The following FKBP10 variants were observed in gnomAD, a reference collection of about 807,000 sequenced individuals.
FKBP10 encodes the protein peptidyl-prolyl cis-trans isomerase FKBP10.
In FKBP10, 34 loss-of-function variants were observed where a neutral mutation model predicts 53.7. That is an observed-to-expected ratio of 0.63 (90% CI 0.48 to 0.84). The LOEUF (loss-of-function observed/expected upper bound fraction) is 0.84. Among genes scored for constraint, FKBP10 ranks in the 40% least tolerant of loss-of-function variants. The probability of loss-of-function intolerance (pLI) is 0.00; values close to 1 mark genes in which losing one functional copy is unlikely to be tolerated. For synonymous variants in FKBP10, 324 were observed against 335.7 expected (o/e 0.97, Z 0.38); for missense variants, 748 against 797.8 (o/e 0.94, Z 0.75).
chr17:41,820,968 G>A lies in FKBP10; in HGVS notation c.1278G>A (p.Gln426=), dbSNP rs1313622575. Residue 426 remains glutamine, a synonymous_variant, in exon 8 of 10, where the codon CAG becomes CAA. Coordinates refer to ENST00000321562, the MANE Select transcript of FKBP10 (RefSeq NM_021939.4). ...CCAGGCATGACTACGGGGCCCCCCA[G>A]GAGGCGACTCTCGGGGCCAACAAGG... ...LFTSHDYGAP[Q]EATLGANKVI... 3.4e-5 allele frequency: 55 copies of A among 1,612,208 alleles called. No homozygotes were observed. Among genetic ancestry groups the A allele is most frequent in the Non-Finnish European group, 4.6e-5 (54 of 1,179,566 alleles).
rs2047884667 is a variant in FKBP10, at chr17:41,821,030, G to A, written c.1340G>A (p.Cys447Tyr). ...EGLDTGLQGMCVGERRQLIVP... is the reference protein window; with the variant it reads ...EGLDTGLQGMYVGERRQLIVP... ...CTGGACACGGGCCTGCAGGGCATGT[G>A]TGTGGGAGAGAGGCGGCAGCTCATC... The change falls in exon 8 of 10, where the codon TGT becomes TAT. Residue 447 changes from cysteine to tyrosine, a missense_variant. Transcript: ENST00000321562. The A allele has an allele frequency of 1.2e-6, 2 of 1,600,196 alleles. No individual in the cohort carries two copies. Among genetic ancestry groups the A allele is most frequent in the Non-Finnish European group, 1.7e-6 (2 of 1,173,504 alleles).
Position 41,822,507 on chromosome 17 carries a change from G to T in FKBP10, c.*99G>T. Reference sequence around the variant, plus strand: ...GCTGACAGTCACCCTCCCTCTGCTGGGATGAGGTCCAGGAGCCAACTAAAA... The same window carrying T: ...GCTGACAGTCACCCTCCCTCTGCTGTGATGAGGTCCAGGAGCCAACTAAAA... On this transcript the variant is annotated 3_prime_UTR_variant, in exon 10 of 10. Coordinates refer to ENST00000321562, the MANE Select transcript of FKBP10 (RefSeq NM_021939.4). The T allele has an allele frequency of 1.4e-6, 2 of 1,383,140 alleles. No individual in the cohort carries two copies. Among genetic ancestry groups the T allele is most frequent in the Non-Finnish European group, 2.0e-6 (2 of 1,002,480 alleles). 85.7% of individuals were successfully genotyped at this position (1,383,140 alleles called of 1,614,324 possible).
intron 1 of FKBP10, among the ~76,000 whole-genome samples, chr17:41,816,036 G>A (rs547349188): frequency 1.3e-5 from 2 of 151,220 alleles, no homozygotes; most frequent in South Asian, 2.1e-4. Flanking sequence ...TACTTCGGAG[G>A]CTGAGGCAGG....
chr17:41,821,816 A>T lies in FKBP10; in HGVS notation c.1562A>T (p.Glu521Val). 2 of 1,614,060 alleles carry T rather than the reference A, an allele frequency of 1.2e-6. No individual in the cohort carries two copies. The highest frequency in any genetic ancestry group is 1.7e-6 in the Non-Finnish European group (2 of 1,179,990). ...AAGGATGGCGAGGTCCCTCCGGAGG[A>T]GGTGGGTGAAGGTTCAGTCCTAATA... ...LNKDGEVPPE[E>V]FSTFIKAQVS... Residue 521 changes from glutamate (E) to valine (V), a missense_variant and splice_region_variant, in exon 9 of 10, where the codon GAG (glutamate) becomes GTG (valine). Physicochemically the swap from Glu to Val is moderately radical, Grantham distance 121. Coordinates refer to ENST00000321562, the MANE Select transcript of FKBP10 (RefSeq NM_021939.4).
intron 1 of FKBP10, among the ~76,000 whole-genome samples, chr17:41,815,424 G>A (rs1437768053): frequency 6.6e-6 from 1 of 152,030 alleles, no homozygotes; most frequent in Non-Finnish European, 1.5e-5. Flanking sequence ...CTCCCAAAGT[G>A]CTAGAATTAC....
chr17:41,819,120 C>T, intron 4 of FKBP10, 90 bp from the exon 5 acceptor site: 2 of 1,334,712 alleles, frequency 1.5e-6, no homozygotes, highest in Non-Finnish European at 2.2e-6. Context: ...GGGCTAGTGT[C>T]TTGCATGGTG....
chr17:41,819,627 C>G lies in FKBP10; in HGVS notation c.1015C>G (p.Arg339Gly), dbSNP rs377642451. The change falls in exon 6 of 10, where the codon CGG (arginine) becomes GGG (glycine). Residue 339 changes from arginine (R) to glycine (G), a missense_variant. By Grantham distance (125) the Arg-to-Gly change is moderately radical (BLOSUM62 -2). Transcript: ENST00000321562. ...GLQGACMGER[R>G]RITIPPHLAY... ...GCAGGGTGCCTGCATGGGGGAACGC[C>G]GGAGAATTACCATCCCCCCGCACCT... 3 of 1,612,638 alleles carry G rather than the reference C, an allele frequency of 1.9e-6. No homozygotes were observed. Among genetic ancestry groups the G allele is most frequent in the Non-Finnish European group, 2.5e-6 (3 of 1,179,534 alleles).
In FKBP10 at chr17:41,813,191, A is replaced by G. The variant is rs1555615691; in HGVS notation, c.157A>G (p.Arg53Gly). 1 of 1,613,256 alleles carries G rather than the reference A, an allele frequency of 6.2e-7. No homozygotes were observed. Among genetic ancestry groups the G allele is most frequent in the Admixed American group, 1.7e-5 (1 of 60,030 alleles). ...DVVIERYHIP[R>G]ACPREVQMGD... ...GGTCATCGAGAGGTACCACATCCCC[A>G]GGGCCTGTCCCCGGGAAGTGCAGAT... Residue 53 changes from arginine to glycine, a missense_variant, in exon 1 of 10, where the codon AGG (arginine) becomes GGG (glycine). Physicochemically the swap from Arg to Gly is moderately radical, Grantham distance 125. Transcript: ENST00000321562.
In FKBP10 at chr17:41,822,247, G is replaced by C. The variant is rs1555617308; in HGVS notation, c.1588G>C (p.Val530Leu). ...EEFSTFIKAQVSEGKGRLMPG... is the reference protein window; with the variant it reads ...EEFSTFIKAQLSEGKGRLMPG... The stretch of plus-strand genomic sequence containing the variant: ...GTTCTCCACCTTCATCAAGGCTCAA[G>C]TGAGTGAGGGCAAAGGACGCCTCAT... The change falls in exon 10 of 10, where the codon GTG becomes CTG. Residue 530 changes from valine to leucine, a missense_variant. By Grantham distance (32) the Val-to-Leu change is conservative. Coordinates refer to ENST00000321562, the MANE Select transcript of FKBP10 (RefSeq NM_021939.4). The C allele has an allele frequency of 6.2e-7, 1 of 1,613,610 alleles. No individual in the cohort carries two copies. Among genetic ancestry groups the C allele is most frequent in the Admixed American group, 1.7e-5 (1 of 59,958 alleles).
In FKBP10 at chr17:41,819,338, G is replaced by A. The variant is rs782566284; in HGVS notation, c.856G>A (p.Gly286Arg). The change falls in exon 5 of 10, where the codon GGG becomes AGG. Residue 286 changes from glycine to arginine, a missense_variant. Gly to Arg is a moderately radical substitution (Grantham distance 125). Coordinates refer to ENST00000321562, the MANE Select transcript of FKBP10 (RefSeq NM_021939.4). ...PPGCVRRAGA[G>R]DFMRYHYNGS... is the part of the protein sequence containing the mutation. ...CGGCTGTGTCCGCAGAGCCGGGGCC[G>A]GGGACTTCATGCGCTACCACTACAA... 30 of 1,614,068 alleles carry A rather than the reference G, an allele frequency of 1.9e-5. No homozygotes were observed. Among genetic ancestry groups the A allele is most frequent in the Non-Finnish European group, 2.4e-5 (28 of 1,180,004 alleles).
intron 6 of FKBP10, 72 bp from the exon 7 acceptor site, chr17:41,820,197 C>A: frequency 2.0e-6 from 3 of 1,528,518 alleles, no homozygotes; most frequent in Non-Finnish European, 2.7e-6. Flanking sequence ...GGTCTGGGGA[C>A]CTCCATGGAG....
chr17:41,820,818 C>T (rs1234619543), intron 7 of FKBP10, 129 bp from the exon 8 acceptor site: 15 of 1,316,030 alleles, frequency 1.1e-5, no homozygotes, highest in East Asian at 5.0e-5. Context: ...CACTCTGCTG[C>T]GTGGCCCAAG....
At chr17:41,816,102 C>T (rs1401122853) in intron 1 of FKBP10, among the ~76,000 whole-genome samples, 3 of 151,806 alleles carry the variant, frequency 2.0e-5, no homozygotes, top group South Asian at 2.1e-4. Flanking sequence ...CACCACTGCA[C>T]TCCAGCCTGG....
rs2047905628 is a variant in FKBP10, at chr17:41,822,473, G to A, written c.*65G>A. ...ACTGCGAGGGGGACAGTGGCGGTGG[G>A]ACTGACCTGCTGACAGTCACCCTCC... On this transcript the variant is annotated 3_prime_UTR_variant, in exon 10 of 10. Transcript: ENST00000321562. 2 of 1,526,136 alleles carry A rather than the reference G, an allele frequency of 1.3e-6. No homozygotes were observed. Among genetic ancestry groups the A allele is most frequent in the Non-Finnish European group, 1.8e-6 (2 of 1,126,544 alleles). 94.5% of individuals were successfully genotyped at this position (1,526,136 alleles called of 1,614,324 possible).
In FKBP10 at chr17:41,819,235, G is replaced by T. The variant is rs200660239; in HGVS notation, c.753G>T (p.Ser251=). The change falls in exon 5 of 10, where the codon TCG becomes TCT. Residue 251 remains serine, a synonymous_variant. Coordinates refer to ENST00000321562, the MANE Select transcript of FKBP10 (RefSeq NM_021939.4). ...GYGTVIPPQA[S]LVFHVLLIDV... ...GGACAGTGATCCCCCCACAGGCCTC[G>T]CTGGTCTTTCACGTCCTCCTGATTG... 24 of 1,614,002 alleles carry T rather than the reference G, an allele frequency of 1.5e-5. No homozygotes were observed. Among genetic ancestry groups the T allele is most frequent in the African/African-American group, 6.7e-5 (5 of 74,906 alleles).
Position 41,822,781 on chromosome 17 carries a change from ACTT to A in FKBP10, c.*377_*379del. 1 of 353,852 alleles carries A rather than the reference ACTT, an allele frequency of 2.8e-6. No individual in the cohort carries two copies. Among genetic ancestry groups the A allele is most frequent in the Non-Finnish European group, 5.5e-6 (1 of 183,016 alleles). 21.9% of individuals were successfully genotyped at this position (353,852 alleles called of 1,614,324 possible). On this transcript the variant is annotated 3_prime_UTR_variant, in exon 10 of 10. Transcript: ENST00000321562. ...CTCCCCAAACTTTCTCTTTCTTTGT[ACTT>A]CTTGTCATCCCCACTCCCAGCCCCT... is the stretch of plus-strand genomic sequence containing the variant.
At chr17:41,817,310 A>G (rs563996805) in intron 2 of FKBP10, 107 bp downstream of exon 2, 70 of 1,435,240 alleles carry the variant, frequency 4.9e-5, no homozygotes, top group South Asian at 3.7e-4. Context: ...GACTTGCCCA[A>G]TGTCACACTG....
intron 1 of FKBP10, among the ~76,000 whole-genome samples, chr17:41,814,110 G>A (rs2047785806): frequency 6.6e-6 from 1 of 152,164 alleles, no homozygotes; most frequent in Non-Finnish European, 1.5e-5. Flanking sequence ...CCAGCCTCAG[G>A]GGTAAATCTA....
At chr17:41,819,783 T>G in intron 6 of FKBP10, 108 bp downstream of exon 6, 1 of 1,543,190 alleles carries the variant, frequency 6.5e-7, no homozygotes, top group Non-Finnish European at 8.7e-7. Flanking sequence ...GCCCCTCTCA[T>G]CACAAAAACA....
Sources: allele counts gnomAD v4.1 joint callset (sites outside exome capture counted in the v4.1 genomes callset), GRCh38; gene constraint gnomAD v4.1.1; transcripts MANE v1.5; gene names NCBI Gene and HGNC (gene_info 2026-07-23, HGNC 2026-07-21).